Variants in KCNQ1 observed in about 807,000 individuals in gnomAD.
KCNQ1 encodes potassium voltage-gated channel subfamily KQT member 1.
KCNQ1 carries 49 observed loss-of-function variants against 72.4 expected under a neutral mutation model. The observed-to-expected ratio is 0.68, with a 90% CI of 0.54 to 0.86. The LOEUF is 0.86. Among genes scored for constraint, KCNQ1 ranks in the 40% least tolerant of loss-of-function variants. KCNQ1 has a pLI of 0.00. For synonymous variants in KCNQ1, 450 were observed against 412.6 expected (o/e 1.09, Z -1.10); for missense variants, 790 against 945.1 (o/e 0.84, Z 2.15).
chr11:2,792,175 G>A (rs182916717), intron 15 of KCNQ1, among the ~76,000 whole-genome samples: 1 of 152,304 alleles, frequency 6.6e-6, no homozygotes, highest in Admixed American at 6.5e-5. Context: ...CGGCCTCCAG[G>A]GGGTGGCCCT....
At chr11:2,619,603 G>A (rs1849129566) in intron 10 of KCNQ1, 1 of 398,258 alleles carries the variant, frequency 2.5e-6, no homozygotes, top group Non-Finnish European at 4.4e-6. Context: ...CGGTATTCTT[G>A]GGTTATGTTG....
rs1849092632 is a variant in KCNQ1, at chr11:2,617,801, T to C, written c.1393+28947T>C. On this transcript the variant is annotated intron_variant, in intron 10 of 15. Coordinates refer to ENST00000155840, the MANE Select transcript of KCNQ1 (RefSeq NM_000218.3). The surrounding 1 kb of genome is among the most constrained non-coding windows in gnomAD (Gnocchi z 4.6). ...GACGATTAGTGATGTTAAATGTCTT[T>C]TCATATATGTGTTTGCCATTTTTAT... 2 of 398,604 alleles carry C rather than the reference T, an allele frequency of 5.0e-6. No homozygotes were observed. Among genetic ancestry groups the C allele is most frequent in the African/African-American group, 4.1e-5 (2 of 48,766 alleles). The allele number at this position is 398,604 out of a possible 1,614,324, so 24.7% of individuals were successfully genotyped here.
In KCNQ1 at chr11:2,571,363, G is replaced by A. The variant is rs17215479; in HGVS notation, c.643G>A (p.Val215Met). The A allele has an allele frequency of 9.9e-6, 16 of 1,612,932 alleles. No individual in the cohort carries two copies. Among genetic ancestry groups the A allele is most frequent in the Middle Eastern group, 1.6e-4 (1 of 6,084 alleles). ...CGTGGCCTCCATGGTGGTCCTCTGC[G>A]TGGGCTCCAAGGGGCAGGTGTTTGC... ...VVVASMVVLC[V>M]GSKGQVFATS... is the part of the protein sequence containing the mutation. Residue 215 changes from valine (V) to methionine (M), a missense_variant, in exon 4 of 16, where the codon GTG (valine) becomes ATG (methionine). Physicochemically the swap from Val to Met is conservative, Grantham distance 21. Transcript: ENST00000155840.
intron 1 of KCNQ1, among the ~76,000 whole-genome samples, chr11:2,514,824 T>C (rs1427866655): frequency 6.6e-6 from 1 of 152,166 alleles, no homozygotes; most frequent in Non-Finnish European, 1.5e-5. Context: ...AGACTCCGTC[T>C]CGAAAAGAGA....
intron 14 of KCNQ1, 117 bp downstream of exon 14, chr11:2,777,149 T>A: frequency 1.0e-6 from 1 of 997,138 alleles, no homozygotes; most frequent in Non-Finnish European, 1.6e-6. Context: ...CCAAAGTGCA[T>A]GACATGAAAT....
chr11:2,528,878 C>T (rs914195228), intron 2 of KCNQ1, among the ~76,000 whole-genome samples: 3 of 152,226 alleles, frequency 2.0e-5, no homozygotes, highest in Admixed American at 6.5e-5. Flanking sequence ...AGTCCTCTCG[C>T]GATGGCCTCG....
chr11:2,570,712 T>TG lies in KCNQ1; in HGVS notation c.567dup (p.Arg190AlafsTer95), dbSNP rs397508117. 1.9e-6 allele frequency: 3 copies of TG among 1,612,406 alleles called. No homozygotes were observed. The highest frequency in any genetic ancestry group is 2.5e-6 in the Non-Finnish European group (3 of 1,180,010). ...CTGCCGCAGCAAGTACGTGGGCCTC[T>TG]GGGGGCGGCTGCGCTTTGCCCGGAA... On this transcript the variant is annotated frameshift_variant, in exon 3 of 16. Transcript: ENST00000155840. LOFTEE classifies it high-confidence loss of function.
intron 11 of KCNQ1, among the ~76,000 whole-genome samples, chr11:2,728,514 G>A (rs776064913): frequency 1.1e-4 from 17 of 152,334 alleles, no homozygotes; most frequent in African/African-American, 2.9e-4. Context: ...CTAGCCTCCC[G>A]CCCACTAGGG....
intron 13 of KCNQ1, among the ~76,000 whole-genome samples, 186 bp from the exon 14 acceptor site, chr11:2,776,800 C>A (rs1846711427): frequency 6.6e-6 from 1 of 152,208 alleles, no homozygotes; most frequent in African/African-American, 2.4e-5. Context: ...GCTCAGCCCC[C>A]TCGGGAGCAT....
At chr11:2,672,630 G>A (rs1850206844) in intron 11 of KCNQ1, 1 of 398,614 alleles carries the variant, frequency 2.5e-6, no homozygotes, top group South Asian at 1.3e-4. Context: ...GAAGGACTCT[G>A]GGTAAATGGA....
At chr11:2,634,060 T>C (rs1404572259) in intron 10 of KCNQ1, 4 of 398,510 alleles carry the variant, frequency 1.0e-5, no homozygotes, top group Non-Finnish European at 1.8e-5. Flanking sequence ...TTGTTTGTCC[T>C]ATTTGTGGTC....
At position 2,458,129 on chromosome 11, in the gene KCNQ1, A is replaced by T. The variant is rs1736758408; in HGVS notation, c.386+12645A>T. ...GCAGGGAAGTTATCAGAGGCCCCCT[A>T]GGGCCATGTCACTGGAACTTGAAGG... On this transcript the variant is annotated intron_variant, in intron 1 of 15. Coordinates refer to ENST00000155840, the MANE Select transcript of KCNQ1 (RefSeq NM_000218.3). This position sits in a 1 kb window ranked among gnomAD's most constrained non-coding sequence, Gnocchi z 4.6. 1.3e-5 allele frequency among the ~76,000 whole-genome samples: 2 copies of T among 152,074 alleles called. No individual in the cohort carries two copies.
intron 15 of KCNQ1, among the ~76,000 whole-genome samples, chr11:2,779,692 G>A (rs163146): frequency 6.6e-6 from 1 of 152,188 alleles, no homozygotes; most frequent in African/African-American, 2.4e-5. Context: ...GGCATCCTGC[G>A]GGGGTGATGG....
intron 10 of KCNQ1, chr11:2,639,408 G>GT (rs1276642978): frequency 2.0e-5 from 3 of 152,230 alleles, no homozygotes; most frequent in Non-Finnish European, 4.4e-5. Context: ...TGTCCTTTCT[G>GT]TTTGTTAGTT....
Position 2,492,906 on chromosome 11 carries a change from C to T in KCNQ1, c.387-35022C>T, listed in dbSNP as rs149564341. ...GCTGGGTCAAATGGTATTTCTAGTTCTAGAATCTAGTTCTAGAATCACCAC... is the reference window on the plus strand; with the variant it reads ...GCTGGGTCAAATGGTATTTCTAGTTTTAGAATCTAGTTCTAGAATCACCAC... On this transcript the variant is annotated intron_variant, in intron 1 of 15. Transcript: ENST00000155840. This position sits in a 1 kb window ranked among gnomAD's most constrained non-coding sequence, Gnocchi z 4.1. Among the ~76,000 whole-genome samples, 2,207 of 152,226 alleles carry T rather than the reference C, an allele frequency of 0.014. 50 individuals are homozygous for T. The highest frequency in any genetic ancestry group is 0.051 in the African/African-American group (2,131 of 41,524).
chr11:2,749,641 C>CAAAAAAAAAAAAAAAAAAAAAAA, intron 11 of KCNQ1, among the ~76,000 whole-genome samples: 1 of 87,124 alleles, frequency 1.1e-5, no homozygotes. Flanking sequence ...ACTAAAAATA[C>CAAAAAAAAAAAAAAAAAAAAAAA]AAAAAAAAAA....
chr11:2,808,852 TA>T lies in KCNQ1; in HGVS notation c.1794+30816del. Among the ~76,000 whole-genome samples, 1 of 151,954 alleles carries T rather than the reference TA, an allele frequency of 6.6e-6. No individual in the cohort carries two copies. The highest frequency in any genetic ancestry group is 1.5e-5 in the Non-Finnish European group (1 of 67,992). ...ATGGACAGATTGTTGTATGGAGGATTAGGGGAGGGATAAATGGATGGATGGA... is the reference window on the plus strand; with the variant it reads ...ATGGACAGATTGTTGTATGGAGGATTGGGGAGGGATAAATGGATGGATGGA... On this transcript the variant is annotated intron_variant, in intron 15 of 15. Transcript: ENST00000155840. This position sits in a 1 kb window ranked among gnomAD's most constrained non-coding sequence, Gnocchi z 6.0.
chr11:2,587,713 C>G (rs1174668817), intron 9 of KCNQ1, 21 bp downstream of exon 9: 1 of 1,613,470 alleles, frequency 6.2e-7, no homozygotes. Flanking sequence ...CACCTGCCAC[C>G]AGGGCAGGGC....
In KCNQ1 at chr11:2,559,612, C is replaced by T. The variant is rs1227577810; in HGVS notation, c.478-11016C>T. 6.6e-6 allele frequency among the ~76,000 whole-genome samples: 1 copy of T among 152,190 alleles called. No homozygotes were observed. The highest frequency in any genetic ancestry group is 1.5e-5 in the Non-Finnish European group (1 of 68,018). ...CCATCCCCATGACGACCCAGCAAGTCCCTTGCCTCTCTCGCTCACCAGGAA... is the reference window on the plus strand; with the variant it reads ...CCATCCCCATGACGACCCAGCAAGTTCCTTGCCTCTCTCGCTCACCAGGAA... On this transcript the variant is annotated intron_variant, in intron 2 of 15. Coordinates refer to ENST00000155840, the MANE Select transcript of KCNQ1 (RefSeq NM_000218.3). This position sits in a 1 kb window ranked among gnomAD's most constrained non-coding sequence, Gnocchi z 4.9.
Sources: gnomAD v4.1 joint callset for allele counts (sites outside exome capture counted in the v4.1 genomes callset) on GRCh38, gnomAD v4.1.1 for gene constraint, Gnocchi (gnomAD v3.1) non-coding constraint, MANE v1.5 for transcripts, NCBI Gene and HGNC (gene_info 2026-07-23, HGNC 2026-07-21) for gene names.